Variants in RIT2 observed in about 807,000 individuals in gnomAD.
The protein encoded by RIT2 is GTP-binding protein Rit2.
In RIT2, 24 loss-of-function variants were observed where a neutral mutation model predicts 23.7. The ratio of observed to expected loss-of-function variants is 1.01; its 90% CI spans 0.73 to 1.43. The LOEUF is 1.43. RIT2 is among the 40% of genes most tolerant of loss of function. The pLI is 0.00. For missense variants in RIT2, 236 were observed against 266.9 expected, an observed-to-expected ratio of 0.88 and a Z score of 0.81; for synonymous variants, 107 against 91.1, an observed-to-expected ratio of 1.17 and a Z score of -0.99.
At chr18:42,845,954 A>C (rs1201794456) in intron 4 of RIT2, among the ~76,000 whole-genome samples, 1 of 151,998 alleles carries the variant, frequency 6.6e-6, no homozygotes, top group Non-Finnish European at 1.5e-5. Flanking sequence ...AAGTTGTAAA[A>C]TCAGTATGCT....
chr18:42,982,034 G>A (rs954942135), intron 2 of RIT2, among the ~76,000 whole-genome samples: 2 of 152,174 alleles, frequency 1.3e-5, no homozygotes, highest in Admixed American at 6.5e-5. Context: ...TACCATCTAT[G>A]TCTGAAGAGC....
intron 4 of RIT2, among the ~76,000 whole-genome samples, chr18:42,814,828 C>T (rs756027188): frequency 6.6e-6 from 1 of 152,106 alleles, no homozygotes; most frequent in South Asian, 2.1e-4. Flanking sequence ...CCTCTCCCGC[C>T]GCCACCTCCA....
At chr18:42,867,153 C>G (rs1907493333) in intron 4 of RIT2, among the ~76,000 whole-genome samples, 1 of 152,084 alleles carries the variant, frequency 6.6e-6, no homozygotes, top group African/African-American at 2.4e-5. Context: ...TTAGTACTGT[C>G]AACTCTACTA....
intron 2 of RIT2, among the ~76,000 whole-genome samples, chr18:43,015,709 G>A (rs933915807): frequency 6.6e-6 from 1 of 151,638 alleles, no homozygotes; most frequent in African/African-American, 2.4e-5. Context: ...TCCAAAAGCA[G>A]CAGAGCAGTG....
intron 4 of RIT2, among the ~76,000 whole-genome samples, chr18:42,844,210 G>A (rs1223232512): frequency 1.3e-5 from 2 of 152,134 alleles, no homozygotes; most frequent in Non-Finnish European, 2.9e-5. Context: ...AGCCCTTGGG[G>A]CATGTTATAA....
At chr18:42,864,042 T>C (rs944118530) in intron 4 of RIT2, among the ~76,000 whole-genome samples, 2 of 131,786 alleles carry the variant, frequency 1.5e-5, no homozygotes, top group Admixed American at 7.2e-5. Context: ...TATAAGAAAA[T>C]GAAAAAAAAA....
chr18:42,992,755 C>T (rs181670667), intron 2 of RIT2, among the ~76,000 whole-genome samples: 4 of 152,216 alleles, frequency 2.6e-5, no homozygotes, highest in Non-Finnish European at 4.4e-5. Context: ...TATCCAACCT[C>T]TCCCAAAATC....
chr18:42,890,391 T>TA (rs1219592951), intron 4 of RIT2, among the ~76,000 whole-genome samples: 1 of 151,954 alleles, frequency 6.6e-6, no homozygotes, highest in African/African-American at 2.4e-5. Flanking sequence ...ATAAAATTTT[T>TA]AATACTATCT....
intron 1 of RIT2, among the ~76,000 whole-genome samples, chr18:43,093,689 AAG>A (rs1042567861): frequency 6.6e-5 from 10 of 152,114 alleles, no homozygotes; most frequent in Admixed American, 1.3e-4. Flanking sequence ...GTCAGTGAAA[AAG>A]AGAAGAAATG....
At chr18:42,976,718 G>T (rs1264468865) in intron 2 of RIT2, among the ~76,000 whole-genome samples, 1 of 152,068 alleles carries the variant, frequency 6.6e-6, no homozygotes, top group Non-Finnish European at 1.5e-5. Context: ...GAAACGTGGA[G>T]TTCATTATAA....
chr18:42,844,116 T>A (rs866402039), intron 4 of RIT2, among the ~76,000 whole-genome samples: 2 of 152,178 alleles, frequency 1.3e-5, no homozygotes, highest in South Asian at 4.1e-4. Flanking sequence ...CAAGTGAGTG[T>A]GGGACTTGGC....
At chr18:42,999,231 G>T (rs1051744548) in intron 2 of RIT2, among the ~76,000 whole-genome samples, 3 of 151,712 alleles carry the variant, frequency 2.0e-5, no homozygotes, top group Admixed American at 1.3e-4. Flanking sequence ...TTTTTCATAG[G>T]CACTATGAGC....
chr18:43,050,886 C>T (rs779188497), intron 1 of RIT2, among the ~76,000 whole-genome samples: 16 of 152,084 alleles, frequency 1.1e-4, no homozygotes, highest in South Asian at 4.1e-4. Context: ...CTTTGCCCTA[C>T]GTGTCTCTTC....
intron 4 of RIT2, among the ~76,000 whole-genome samples, chr18:42,800,194 G>A (rs1905487353): frequency 1.3e-5 from 2 of 152,062 alleles, no homozygotes; most frequent in African/African-American, 2.4e-5. Context: ...CTACAAATTC[G>A]ATCATTTCTT....
chr18:42,923,923 T>C (rs1859014197), intron 3 of RIT2, among the ~76,000 whole-genome samples, 160 bp from the exon 4 acceptor site: 1 of 152,032 alleles, frequency 6.6e-6, no homozygotes, highest in African/African-American at 2.4e-5. Context: ...GAAAAACATA[T>C]TAAACAGCAA....
intron 1 of RIT2, among the ~76,000 whole-genome samples, chr18:43,082,059 C>T (rs1913169968): frequency 6.6e-6 from 1 of 152,024 alleles, no homozygotes; most frequent in Non-Finnish European, 1.5e-5. Flanking sequence ...TTAATTACTG[C>T]CTCAATTTCA....
intron 2 of RIT2, among the ~76,000 whole-genome samples, chr18:42,976,469 G>A (rs928120126): frequency 1.3e-5 from 2 of 152,070 alleles, no homozygotes; most frequent in African/African-American, 4.8e-5. Flanking sequence ...GACTGCCTGG[G>A]TGTAAACCCT....
chr18:43,030,055 T>C (rs1361073630), intron 2 of RIT2, among the ~76,000 whole-genome samples: 1 of 152,086 alleles, frequency 6.6e-6, no homozygotes, highest in African/African-American at 2.4e-5. Context: ...TCATCTGCCA[T>C]ATGTTCAACA....
At chr18:42,788,354 C>T (rs1449560902) in intron 4 of RIT2, among the ~76,000 whole-genome samples, 1 of 152,120 alleles carries the variant, frequency 6.6e-6, no homozygotes, top group Non-Finnish European at 1.5e-5. Context: ...TTTGATACTA[C>T]ACCAATACTT....
Sources: gnomAD v4.1 joint callset for allele counts (sites outside exome capture counted in the v4.1 genomes callset) on GRCh38, gnomAD v4.1.1 for gene constraint, MANE v1.5 for transcripts, NCBI Gene and HGNC (gene_info 2026-07-23, HGNC 2026-07-21) for gene names.